The following PABPC4L variants were observed in gnomAD, a reference collection of about 807,000 sequenced individuals.
PABPC4L encodes polyadenylate-binding protein 4-like.
For missense variants in PABPC4L, 452 were observed against 451.4 expected (o/e 1.00, Z -0.01); for synonymous variants, 169 against 164.1 (o/e 1.03, Z -0.23).
the PABPC4L span, among the ~76,000 whole-genome samples, chr4:134,187,323 G>T: frequency 6.6e-6 from 1 of 151,912 alleles, no homozygotes. Flanking sequence ...ACTGGATTAA[G>T]AAAATTTGGC....
the PABPC4L span, among the ~76,000 whole-genome samples, chr4:134,001,925 A>G: frequency 6.6e-6 from 1 of 152,072 alleles, no homozygotes; most frequent in Non-Finnish European, 1.5e-5. Flanking sequence ...GAGTAGAGCT[A>G]ATGATTTCAG....
chr4:133,993,166 A>C, the PABPC4L span, among the ~76,000 whole-genome samples: 1 of 152,162 alleles, frequency 6.6e-6, no homozygotes, highest in African/African-American at 2.4e-5. Context: ...TTATGATGTA[A>C]ATTTTAAAAA....
the PABPC4L span, among the ~76,000 whole-genome samples, chr4:134,138,100 T>C: frequency 2.8e-3 from 421 of 151,802 alleles, 1 homozygote; most frequent in Non-Finnish European, 5.0e-3. Context: ...TTTATGAAAA[T>C]CTACATCTAA....
chr4:134,013,514 T>C, the PABPC4L span, among the ~76,000 whole-genome samples: 1 of 152,084 alleles, frequency 6.6e-6, no homozygotes, highest in Admixed American at 6.6e-5. Flanking sequence ...CTAAGCATCT[T>C]ATTTTCTTCT....
the PABPC4L span, among the ~76,000 whole-genome samples, chr4:134,022,559 AT>A: frequency 6.6e-6 from 1 of 151,904 alleles, no homozygotes; most frequent in Non-Finnish European, 1.5e-5. Context: ...CCTTTCCTTA[AT>A]TATTAGTTTA....
the PABPC4L span, among the ~76,000 whole-genome samples, chr4:134,155,722 T>C: frequency 2.0e-5 from 3 of 152,132 alleles, no homozygotes; most frequent in East Asian, 5.8e-4. Flanking sequence ...CTTCCATGGT[T>C]ATTTTATCGT....
the PABPC4L span, among the ~76,000 whole-genome samples, chr4:134,053,578 T>C: frequency 6.6e-6 from 1 of 151,934 alleles, no homozygotes; most frequent in Non-Finnish European, 1.5e-5. Flanking sequence ...AAACAAACAA[T>C]AAATCCAACC....
chr4:134,033,171 T>C, the PABPC4L span, among the ~76,000 whole-genome samples: 2 of 151,810 alleles, frequency 1.3e-5, no homozygotes, highest in African/African-American at 4.8e-5. Flanking sequence ...TTTTCATCGC[T>C]ATTATATCTG....
At chr4:134,177,013 T>C in the PABPC4L span, among the ~76,000 whole-genome samples, 2 of 151,910 alleles carry the variant, frequency 1.3e-5, no homozygotes, top group African/African-American at 2.4e-5. Context: ...CTTGGAGCAG[T>C]GAGATTGTTG....
the PABPC4L span, among the ~76,000 whole-genome samples, chr4:134,122,604 TCTAGTTC>T: frequency 6.6e-6 from 1 of 151,772 alleles, no homozygotes; most frequent in African/African-American, 2.4e-5. Flanking sequence ...AAAAGCAATT[TCTAGTTC>T]CATCATCAGC....
In PABPC4L at chr4:134,198,175, T is replaced by C. The variant is rs1729725542; in HGVS notation, c.*1732A>G. ...GTGAGCATAAAAGTTGACCATAGCA[T>C]ATTGTTTAAGAAAGCAATTTCAAAC... On this transcript the variant is annotated 3_prime_UTR_variant, in exon 2 of 2. Transcript: ENST00000421491. 1.3e-5 allele frequency: 2 copies of C among 151,730 alleles called. No individual in the cohort carries two copies. The allele number at this position is 151,730 out of a possible 1,614,324, so 9.4% of individuals were successfully genotyped here. A position where few individuals can be genotyped will look rare whatever the true frequency, so the allele number is the denominator to read the frequency against.
chr4:134,113,090 AT>A, the PABPC4L span, among the ~76,000 whole-genome samples: 1 of 152,008 alleles, frequency 6.6e-6, no homozygotes, highest in Non-Finnish European at 1.5e-5. Context: ...AAAGAAAGAA[AT>A]ATTTTCATAC....
At chr4:134,091,237 TA>T in the PABPC4L span, among the ~76,000 whole-genome samples, 2 of 152,014 alleles carry the variant, frequency 1.3e-5, no homozygotes, top group African/African-American at 2.4e-5. Context: ...TAGTATTAAG[TA>T]TATTCTTCAG....
the PABPC4L span, among the ~76,000 whole-genome samples, chr4:134,185,400 C>T: frequency 3.9e-5 from 6 of 152,078 alleles, no homozygotes; most frequent in South Asian, 4.1e-4. Flanking sequence ...AATCAATAAA[C>T]GTAATCCATC....
chr4:134,005,332 T>C, the PABPC4L span, among the ~76,000 whole-genome samples: 2 of 151,944 alleles, frequency 1.3e-5, no homozygotes, highest in Non-Finnish European at 2.9e-5. Context: ...AACTGCCATG[T>C]ATACCTTTGC....
the PABPC4L span, among the ~76,000 whole-genome samples, chr4:134,082,149 G>A: frequency 3.9e-5 from 6 of 152,054 alleles, no homozygotes; most frequent in Non-Finnish European, 7.4e-5. Flanking sequence ...AAGAATAAAA[G>A]GGATGTCTTA....
chr4:133,989,765 T>C, the PABPC4L span, among the ~76,000 whole-genome samples: 3 of 152,084 alleles, frequency 2.0e-5, no homozygotes, highest in Non-Finnish European at 4.4e-5. Context: ...CAATTTTCTG[T>C]ATTAGTCTGT....
the PABPC4L span, among the ~76,000 whole-genome samples, chr4:134,173,817 C>T: frequency 2.0e-5 from 3 of 152,208 alleles, no homozygotes; most frequent in African/African-American, 4.8e-5. Context: ...CAAAATATCA[C>T]ATGTACCCCA....
chr4:134,189,339 TATATTTCACAG>T, the PABPC4L span, among the ~76,000 whole-genome samples: 157 of 151,988 alleles, frequency 1.0e-3, no homozygotes, highest in Non-Finnish European at 1.6e-3. Context: ...TGCCATTTAG[TATATTTCACAG>T]CTTTGTTGAC....
Sources: gnomAD v4.1 joint callset for allele counts (sites outside exome capture counted in the v4.1 genomes callset) on GRCh38, gnomAD v4.1.1 for gene constraint, MANE v1.5 for transcripts, NCBI Gene and HGNC (gene_info 2026-07-23, HGNC 2026-07-21) for gene names.